Variants in KIF9 observed in about 807,000 individuals in gnomAD.
KIF9 encodes the protein kinesin-like protein KIF9.
A neutral mutation model predicts 94.8 loss-of-function variants in KIF9; 68 were observed. The observed-to-expected ratio is 0.72, with a 90% CI of 0.59 to 0.88. KIF9 has a LOEUF of 0.88. KIF9 is among the 40% of genes least tolerant of loss of function. The pLI, the probability that KIF9 is intolerant of heterozygous loss-of-function variation, is 0.00. For synonymous variants in KIF9, 343 were observed against 362.1 expected (o/e 0.95, Z 0.60); for missense variants, 882 against 982.5 (o/e 0.90, Z 1.37).
Position 47,277,332 on chromosome 3 carries a change from G to A in KIF9, c.43C>T (p.Pro15Ser). 6.2e-7 allele frequency: 1 copy of A among 1,614,014 alleles called. No homozygotes were observed. Among genetic ancestry groups the A allele is most frequent in the Non-Finnish European group, 8.5e-7 (1 of 1,179,970 alleles). ...ATTTCATGAGCAAAGTCATCGGTGG[G>A]TTTGACACGGACAAATGCATGAACT... ...KKVHAFVRVKPTDDFAHEMIR... is the reference protein window; with the variant it reads ...KKVHAFVRVKSTDDFAHEMIR... The change falls in exon 2 of 21, where the codon CCC (proline) becomes TCC (serine). Residue 15 changes from proline (P) to serine (S), a missense_variant. By Grantham distance (74) the Pro-to-Ser change is moderately conservative. Coordinates refer to ENST00000684063, the MANE Select transcript of KIF9 (RefSeq NM_182902.4).
chr3:47,247,330 G>A (rs759730757), intron 12 of KIF9, 43 bp downstream of exon 12: 1 of 1,364,944 alleles, frequency 7.3e-7, no homozygotes. Flanking sequence ...GGACTGGGAG[G>A]CCCAGGCTGG....
chr3:47,264,380 G>A, intron 8 of KIF9, 30 bp from the exon 9 acceptor site: 1 of 1,588,374 alleles, frequency 6.3e-7, no homozygotes, highest in Non-Finnish European at 8.6e-7. Context: ...GAAGGGCTAT[G>A]AACCATGTGT....
intron 2 of KIF9, among the ~76,000 whole-genome samples, chr3:47,276,654 C>T (rs1400316267): frequency 6.6e-6 from 1 of 152,084 alleles, no homozygotes; most frequent in Non-Finnish European, 1.5e-5. Context: ...CCATGTCCAG[C>T]AGGACACATT....
chr3:47,244,742 CACCGAGGAGGGCCAGCT>C, intron 15 of KIF9, 32 bp downstream of exon 15: 1 of 1,607,584 alleles, frequency 6.2e-7, no homozygotes. Flanking sequence ...CCCATGCACC[CACCGAGGAGGGCCAGCT>C]GCTGAGGAGG....
At chr3:47,229,017 G>A (rs1698357927) in intron 20 of KIF9, among the ~76,000 whole-genome samples, 1 of 152,184 alleles carries the variant, frequency 6.6e-6, no homozygotes, top group Non-Finnish European at 1.5e-5. Context: ...AAAAGAAGAG[G>A]GTTCTATCTC....
At position 47,228,434 on chromosome 3, in the gene KIF9, C is replaced by A; in HGVS notation, c.*218G>T. ...AGAAAGTTATTTTATCCTGTCCCTG[C>A]ATATAAGACAGTGAATTAAAACCCA... On this transcript the variant is annotated 3_prime_UTR_variant, in exon 21 of 21. Transcript: ENST00000684063. The A allele has an allele frequency of 1.7e-6, 1 of 587,234 alleles. No homozygotes were observed. Among genetic ancestry groups the A allele is most frequent in the Non-Finnish European group, 3.1e-6 (1 of 325,390 alleles). The allele number at this position is 587,234 out of a possible 1,614,324, so 36.4% of individuals were successfully genotyped here.
chr3:47,261,821 T>TGA (rs1700992290), intron 9 of KIF9, among the ~76,000 whole-genome samples: 1 of 152,220 alleles, frequency 6.6e-6, no homozygotes, highest in Admixed American at 6.5e-5. Flanking sequence ...GTTGCTTCTA[T>TGA]GCAGGGCCAA....
Position 47,248,082 on chromosome 3 carries a change from ATT to A in KIF9, c.1062_1063del (p.Arg354SerfsTer20). The A allele has an allele frequency of 6.2e-7, 1 of 1,613,162 alleles. No individual in the cohort carries two copies. Among genetic ancestry groups the A allele is most frequent in the Non-Finnish European group, 8.5e-7 (1 of 1,179,424 alleles). ...TAGTTCCTTCTCCAGGTTCTTGACC[ATT>A]CTCTGCCGGGAAACATGGTAGGGTG... is the stretch of plus-strand genomic sequence containing the variant. On this transcript the variant is annotated frameshift_variant and splice_region_variant, in exon 11 of 21. Coordinates refer to ENST00000684063, the MANE Select transcript of KIF9 (RefSeq NM_182902.4). LOFTEE classifies it high-confidence loss of function.
At chr3:47,279,205 G>C (rs1490991737) in intron 1 of KIF9, among the ~76,000 whole-genome samples, 1 of 148,540 alleles carries the variant, frequency 6.7e-6, no homozygotes, top group Non-Finnish European at 1.5e-5. Context: ...AAGTGCGTTG[G>C]CTCTTGCCTG....
intron 1 of KIF9, among the ~76,000 whole-genome samples, chr3:47,280,552 T>TA (rs1702263652): frequency 6.6e-6 from 1 of 152,156 alleles, no homozygotes; most frequent in African/African-American, 2.4e-5. Context: ...CAAAAAATTT[T>TA]AAAAATTTGC....
Position 47,233,887 on chromosome 3 carries a change from C to T in KIF9, c.2322+1626G>A, listed in dbSNP as rs367712863. The stretch of plus-strand genomic sequence containing the variant: ...GGTCGATCACCTGAGGTCAGGAGTT[C>T]GAGACCAGCCTGGCCAACATGGTGA... On this transcript the variant is annotated intron_variant, in intron 20 of 20. Transcript: ENST00000684063. Among the ~76,000 whole-genome samples, 118 of 151,654 alleles carry T rather than the reference C, an allele frequency of 7.8e-4. 2 individuals are homozygous for T. The highest frequency in any genetic ancestry group is 2.7e-3 in the African/African-American group (110 of 41,332).
chr3:47,271,857 C>T (rs1023120547), intron 4 of KIF9, among the ~76,000 whole-genome samples: 1 of 152,144 alleles, frequency 6.6e-6, no homozygotes, highest in African/African-American at 2.4e-5. Context: ...TGTGGTGGCT[C>T]ACACCTGTGA....
intron 9 of KIF9, among the ~76,000 whole-genome samples, chr3:47,263,214 A>T (rs564508583): frequency 6.6e-6 from 1 of 152,302 alleles, no homozygotes; most frequent in East Asian, 1.9e-4. Flanking sequence ...TGTCTTATTT[A>T]TGATGGGTGG....
chr3:47,231,222 T>C (rs1035208843), intron 20 of KIF9, among the ~76,000 whole-genome samples: 3 of 151,930 alleles, frequency 2.0e-5, no homozygotes, highest in East Asian at 1.9e-4. Flanking sequence ...CCCTTCATGA[T>C]TGAGAAAAAA....
chr3:47,264,389 G>GT (rs780606919), intron 8 of KIF9, 39 bp from the exon 9 acceptor site: 4 of 1,557,172 alleles, frequency 2.6e-6, no homozygotes, highest in African/African-American at 2.7e-5. Context: ...TGAACCATGT[G>GT]TTTTTTCTGC....
At chr3:47,281,518 T>C (rs1030426523) in intron 1 of KIF9, among the ~76,000 whole-genome samples, 1 of 152,016 alleles carries the variant, frequency 6.6e-6, no homozygotes, top group East Asian at 1.9e-4. Flanking sequence ...CGGGTAATTT[T>C]TGTATTTTTC....
At chr3:47,235,676 T>A in intron 19 of KIF9, 59 bp from the exon 20 acceptor site, 1 of 1,379,760 alleles carries the variant, frequency 7.2e-7, no homozygotes, top group Non-Finnish European at 1.0e-6. Flanking sequence ...GCAGAGCCTG[T>A]GGTGTGCATC....
At chr3:47,261,799 A>G (rs1227577960) in intron 9 of KIF9, among the ~76,000 whole-genome samples, 1 of 152,180 alleles carries the variant, frequency 6.6e-6, no homozygotes, top group African/African-American at 2.4e-5. Context: ...CGTCTCTGTC[A>G]TTACAGGTGG....
intron 1 of KIF9, among the ~76,000 whole-genome samples, chr3:47,280,366 CCT>C (rs1217433787): frequency 6.6e-5 from 10 of 152,152 alleles, no homozygotes; most frequent in African/African-American, 2.4e-4. Flanking sequence ...GGTGCCCAGG[CCT>C]CTCTCCCTGA....
Sources: gnomAD v4.1 joint callset for allele counts (sites outside exome capture counted in the v4.1 genomes callset) on GRCh38, gnomAD v4.1.1 for gene constraint, MANE v1.5 for transcripts, NCBI Gene and HGNC (gene_info 2026-07-23, HGNC 2026-07-21) for gene names.